Variants in ABCA3 observed in about 807,000 individuals in gnomAD.
The protein encoded by ABCA3 is phospholipid-transporting ATPase ABCA3.
Under a neutral mutation model 172.8 loss-of-function variants are expected in ABCA3, and 88 were observed. The observed-to-expected ratio is 0.51, with a 90% CI of 0.43 to 0.61. The LOEUF is 0.61. Among genes scored for constraint, ABCA3 ranks in the 20% least tolerant of loss-of-function variants. The pLI is 0.00. For synonymous variants in ABCA3, 1,066 were observed against 983.8 expected, an observed-to-expected ratio of 1.08 and a Z score of -1.56; for missense variants, 2,164 against 2,301.0, an observed-to-expected ratio of 0.94 and a Z score of 1.22.
At chr16:2,291,432 G>A (rs1053885048) in intron 19 of ABCA3, among the ~76,000 whole-genome samples, 1 of 149,906 alleles carries the variant, frequency 6.7e-6, no homozygotes, top group Non-Finnish European at 1.5e-5. Context: ...TGACAGGCGT[G>A]AGCCACCACG....
chr16:2,287,965 C>T lies in ABCA3; in HGVS notation c.3004+61G>A, dbSNP rs902397028. On this transcript the variant is annotated intron_variant, in intron 21 of 32. Transcript: ENST00000301732. This position sits in a 1 kb window ranked among gnomAD's most constrained non-coding sequence, Gnocchi z 4.1. ...GTCGACCCTGCTGCAGTCAGGAAGG[C>T]GAACTCTGGCTGCAGGACTGGCCCC... 12 of 1,583,392 alleles carry T rather than the reference C, an allele frequency of 7.6e-6. No homozygotes were observed. Among genetic ancestry groups the T allele is most frequent in the Middle Eastern group, 2.2e-4 (1 of 4,448 alleles).
At position 2,286,241 on chromosome 16, in the gene ABCA3, G is replaced by C. The variant is rs1270022210; in HGVS notation, c.3278+453C>G. 6.6e-6 allele frequency among the ~76,000 whole-genome samples: 1 copy of C among 152,022 alleles called. No homozygotes were observed. The highest frequency in any genetic ancestry group is 6.6e-5 in the Admixed American group (1 of 15,262). ...TCTGGGGGCTCTGTGGCCGGCATAGGGGGTAGCCCTGCCCACACAATGGCA... is the reference window on the plus strand; with the variant it reads ...TCTGGGGGCTCTGTGGCCGGCATAGCGGGTAGCCCTGCCCACACAATGGCA... On this transcript the variant is annotated intron_variant, in intron 22 of 32. Transcript: ENST00000301732. This position sits in a 1 kb window ranked among gnomAD's most constrained non-coding sequence, Gnocchi z 5.2.
chr16:2,299,658 A>C (rs1337857931), intron 13 of ABCA3, 126 bp from the exon 14 acceptor site: 1 of 1,476,030 alleles, frequency 6.8e-7, no homozygotes, highest in African/African-American at 1.4e-5. Context: ...CAGTGTGCAG[A>C]GGGGAGGGAC....
intron 3 of ABCA3, among the ~76,000 whole-genome samples, chr16:2,326,861 G>A (rs1567354986): frequency 6.6e-6 from 1 of 152,110 alleles, no homozygotes; most frequent in Admixed American, 6.5e-5. Context: ...GGTGGCAGGC[G>A]CCTGTAATCC....
rs1443617693 is a variant in ABCA3, at chr16:2,283,809, C to A, written c.3863-451G>T. On this transcript the variant is annotated intron_variant, in intron 25 of 32. Coordinates refer to ENST00000301732, the MANE Select transcript of ABCA3 (RefSeq NM_001089.3). The surrounding 1 kb of genome is among the most constrained non-coding windows in gnomAD (Gnocchi z 5.4). ...TTAGTAAGGATCTTAAGGTGAGACA[C>A]TGGATTAGTGTGGGCCTTAAACCCA... 8.2e-6 allele frequency: 2 copies of A among 243,034 alleles called. No individual in the cohort carries two copies. The highest frequency in any genetic ancestry group is 1.6e-5 in the Non-Finnish European group (2 of 123,668). The allele number at this position is 243,034 out of a possible 1,614,324, so 15.1% of individuals were successfully genotyped here.
rs367680713 is a variant in ABCA3 at position 2,288,326 on chromosome 16, C to A, written c.2704G>T (p.Ala902Ser). The A allele has an allele frequency of 1.9e-6, 3 of 1,551,450 alleles. No homozygotes were observed. The highest frequency in any genetic ancestry group is 2.6e-6 in the Non-Finnish European group (3 of 1,152,600). The change falls in exon 21 of 33, where the codon GCC becomes TCC. Residue 902 changes from alanine (A) to serine (S), a missense_variant. Coordinates refer to ENST00000301732, the MANE Select transcript of ABCA3 (RefSeq NM_001089.3). ...RTAVKLNTGLALHCQQFWAMF... is the reference protein window; with the variant it reads ...RTAVKLNTGLSLHCQQFWAMF... Reference sequence around the variant, plus strand: ...GCCCAGAATTGCTGGCAGTGCAGGGCGAGCTGCGGCAGAGGGGACGCAGGT... The same window carrying A: ...GCCCAGAATTGCTGGCAGTGCAGGGAGAGCTGCGGCAGAGGGGACGCAGGT...
chr16:2,323,717 T>C, intron 6 of ABCA3, 29 bp from the exon 7 acceptor site: 1 of 1,613,842 alleles, frequency 6.2e-7, no homozygotes, highest in Non-Finnish European at 8.5e-7. Flanking sequence ...AACCAGCTGT[T>C]CCGAGAGATC....
rs1737924003 is a variant in ABCA3 at position 2,308,409 on chromosome 16, A to G, written c.1285+41T>C. On this transcript the variant is annotated intron_variant, in intron 11 of 32. Coordinates refer to ENST00000301732, the MANE Select transcript of ABCA3 (RefSeq NM_001089.3). ...TTGTGGTTGGGTGCTCTCGAAGGTT[A>G]CTGATTCGGAAAGAACAGGCTGGAC... is the stretch of plus-strand genomic sequence containing the variant. 3.7e-6 allele frequency: 6 copies of G among 1,612,754 alleles called. No individual in the cohort carries two copies. In the South Asian group the frequency reaches 5.5e-5, roughly 15 times the overall value.
intron 11 of ABCA3, among the ~76,000 whole-genome samples, chr16:2,306,455 T>A (rs1286333756): frequency 6.6e-6 from 1 of 152,254 alleles, no homozygotes; most frequent in Non-Finnish European, 1.5e-5. Flanking sequence ...AGAACCGTTC[T>A]AATGAAAGAC....
At position 2,286,583 on chromosome 16, in the gene ABCA3, G is replaced by C; in HGVS notation, c.3278+111C>G. 1 of 1,427,864 alleles carries C rather than the reference G, an allele frequency of 7.0e-7. No homozygotes were observed. The highest frequency in any genetic ancestry group is 9.5e-7 in the Non-Finnish European group (1 of 1,048,560). The allele number at this position is 1,427,864 out of a possible 1,614,324, so 88.4% of individuals were successfully genotyped here. A position where few individuals can be genotyped will look rare whatever the true frequency, so the allele number is the denominator to read the frequency against. ...GGCAGGGGTTTCCCACCAGACCCAG[G>C]GGCTTTGGGAGGGCAGACACAATGC... On this transcript the variant is annotated intron_variant, in intron 22 of 32. Coordinates refer to ENST00000301732, the MANE Select transcript of ABCA3 (RefSeq NM_001089.3). This position sits in a 1 kb window ranked among gnomAD's most constrained non-coding sequence, Gnocchi z 5.2.
Position 2,283,481 on chromosome 16 carries a change from G to T in ABCA3, c.3863-123C>A. Reference sequence around the variant, plus strand: ...GCCTGTAACAATGTCCCCTCCATGGGGAGATGTGAAGGCCAGTAGGTCACA... The same window carrying T: ...GCCTGTAACAATGTCCCCTCCATGGTGAGATGTGAAGGCCAGTAGGTCACA... On this transcript the variant is annotated intron_variant, in intron 25 of 32. Transcript: ENST00000301732. The surrounding 1 kb of genome is among the most constrained non-coding windows in gnomAD (Gnocchi z 5.4). 8.4e-7 allele frequency: 1 copy of T among 1,190,986 alleles called. No individual in the cohort carries two copies. The highest frequency in any genetic ancestry group is 1.2e-6 in the Non-Finnish European group (1 of 854,874). 73.8% of individuals were successfully genotyped at this position (1,190,986 alleles called of 1,614,324 possible).
At position 2,326,290 on chromosome 16, in the gene ABCA3, T is replaced by G. The variant is rs752510984; in HGVS notation, c.55-16A>C. 6.2e-7 allele frequency: 1 copy of G among 1,612,174 alleles called. No homozygotes were observed. Among genetic ancestry groups the G allele is most frequent in the Non-Finnish European group, 8.5e-7 (1 of 1,179,992 alleles). On this transcript the variant is annotated splice_polypyrimidine_tract_variant and intron_variant, in intron 4 of 32. Transcript: ENST00000301732. ...CCTTCCGCTTCTGGAAGAGATACAATAGGGCACGGTGATGGGCTGCAAGGC... is the reference window on the plus strand; with the variant it reads ...CCTTCCGCTTCTGGAAGAGATACAAGAGGGCACGGTGATGGGCTGCAAGGC...
intron 28 of ABCA3, among the ~76,000 whole-genome samples, chr16:2,280,512 A>G (rs1183016905): frequency 6.6e-6 from 1 of 152,124 alleles, no homozygotes; most frequent in East Asian, 1.9e-4. Context: ...AGCTCAGGAG[A>G]GGACTCCGCG....
rs1449713103 is a variant in ABCA3 at position 2,292,163 on chromosome 16, G to A, written c.2490C>T (p.Thr830=). The change falls in exon 19 of 33, where the codon ACC becomes ACT. Residue 830 remains threonine (T), a synonymous_variant. Transcript: ENST00000301732. ...LGIASFGASI[T]TMEEVFLRVG... ...ACCGAAGGAAGACTTCCTCCATGGT[G>A]GTGATGGATGCCCCAAAGCTGGCAA... 6 of 1,613,810 alleles carry A rather than the reference G, an allele frequency of 3.7e-6. No homozygotes were observed. Among genetic ancestry groups the A allele is most frequent in the Non-Finnish European group, 5.1e-6 (6 of 1,179,736 alleles).
intron 3 of ABCA3, 131 bp from the exon 4 acceptor site, chr16:2,326,623 AC>A (rs1261096685): frequency 1.0e-6 from 1 of 970,744 alleles, no homozygotes; most frequent in Non-Finnish European, 1.6e-6. Context: ...AACTCCAAAC[AC>A]CCCTGGAGGG....
rs1240496675 is a variant in ABCA3, at chr16:2,289,465, T to C, written c.2669A>G (p.Glu890Gly). ...PSDGIGALIEEERTAVKLNTG... is the reference protein window; with the variant it reads ...PSDGIGALIEGERTAVKLNTG... ...GTTGAGCTTGACAGCGGTGCGCTCC[T>C]CCTCGATGAGGGCTCCAATGCCGTC... is the stretch of plus-strand genomic sequence containing the variant. The change falls in exon 20 of 33, where the codon GAG becomes GGG. Residue 890 changes from glutamate to glycine, a missense_variant. By Grantham distance (98) the Glu-to-Gly change is moderately conservative. Transcript: ENST00000301732. 1 of 1,459,512 alleles carries C rather than the reference T, an allele frequency of 6.9e-7. No individual in the cohort carries two copies. Among genetic ancestry groups the C allele is most frequent in the Admixed American group, 1.9e-5 (1 of 52,088 alleles). 90.4% of individuals were successfully genotyped at this position (1,459,512 alleles called of 1,614,324 possible).
rs371186835 is a variant in ABCA3, at chr16:2,328,000, C to T, written c.-27+453G>A. 3.9e-5 allele frequency among the ~76,000 whole-genome samples: 6 copies of T among 152,286 alleles called. No individual in the cohort carries two copies. In the South Asian group the frequency reaches 8.3e-4, roughly 21 times the overall value. On this transcript the variant is annotated intron_variant, in intron 3 of 32. Transcript: ENST00000301732. Reference sequence around the variant, plus strand: ...CCTCCCAAAGTGCTGGGATTATAGGCGTGAGCCACTGTGCCCAGCTGCCAT... The same window carrying T: ...CCTCCCAAAGTGCTGGGATTATAGGTGTGAGCCACTGTGCCCAGCTGCCAT...
At position 2,299,999 on chromosome 16, in the gene ABCA3, C is replaced by T. The variant is rs555014060; in HGVS notation, c.1611+6G>A. ...CGGCCCTCCCTGTCCCCACAGGAGG[C>T]GGCACCTTGGACAGGTGCTTGATCT... is the stretch of plus-strand genomic sequence containing the variant. On this transcript the variant is annotated splice_donor_region_variant and intron_variant, in intron 13 of 32. Coordinates refer to ENST00000301732, the MANE Select transcript of ABCA3 (RefSeq NM_001089.3). 1.3e-4 allele frequency: 213 copies of T among 1,612,632 alleles called. 3 individuals carry two copies. In the South Asian group the frequency reaches 1.6e-3, roughly 12 times the overall value.
chr16:2,320,283 A>G (rs2093723945), intron 7 of ABCA3, among the ~76,000 whole-genome samples: 1 of 143,620 alleles, frequency 7.0e-6, no homozygotes, highest in Non-Finnish European at 1.5e-5. Context: ...TATTTTTAGT[A>G]GAGACGGGGT....
Sources: allele counts gnomAD v4.1 joint callset (sites outside exome capture counted in the v4.1 genomes callset), GRCh38; gene constraint gnomAD v4.1.1; non-coding constraint Gnocchi (gnomAD v3.1); transcripts MANE v1.5; gene names NCBI Gene and HGNC (gene_info 2026-07-23, HGNC 2026-07-21).